CDKAL1: variants seen among roughly 807,000 people sequenced by gnomAD.
CDKAL1 encodes the protein CDKAL1 threonylcarbamoyladenosine tRNA methylthiotransferase, also known as threonylcarbamoyladenosine tRNA methylthiotransferase.
Under a neutral mutation model 68.2 loss-of-function variants are expected in CDKAL1, and 32 were observed. The ratio of observed to expected loss-of-function variants is 0.47; its 90% confidence interval spans 0.35 to 0.63. The LOEUF (loss-of-function observed/expected upper bound fraction) is 0.63, where lower values mean the gene tolerates loss of function less well. CDKAL1 is among the 30% of genes least tolerant of loss of function. CDKAL1 has a pLI of 0.00. For missense variants in CDKAL1, 606 were observed against 696.7 expected (o/e 0.87, Z 1.47); for synonymous variants, 234 against 244.3 (o/e 0.96, Z 0.39).
chr6:21,205,810 C>G (rs376243915), intron 15 of CDKAL1, among the ~76,000 whole-genome samples: 76 of 135,686 alleles, frequency 5.6e-4, no homozygotes, highest in African/African-American at 2.0e-3. Flanking sequence ...GGATTACATG[C>G]GTGAGCCCCC....
chr6:21,225,541 A>G (rs1318294961), intron 15 of CDKAL1, among the ~76,000 whole-genome samples: 1 of 152,110 alleles, frequency 6.6e-6, no homozygotes, highest in Non-Finnish European at 1.5e-5. Context: ...TCTGTATTCC[A>G]GGCACTCTGC....
intron 4 of CDKAL1, among the ~76,000 whole-genome samples, chr6:20,598,314 T>A (rs1402970444): frequency 6.6e-6 from 1 of 152,228 alleles, no homozygotes; most frequent in Non-Finnish European, 1.5e-5. Context: ...GGGCTAGTTT[T>A]GTATGAATAT....
rs929240823 is a variant in CDKAL1 at position 20,739,292 on chromosome 6, A to G, written c.372-227A>G. 3.3e-5 allele frequency among the ~76,000 whole-genome samples: 5 copies of G among 152,330 alleles called. No individual in the cohort carries two copies. The South Asian group carries it at 1.0e-3, about 32-fold the overall frequency. ...TTTTTTGTTTTATAATGAGACGGTA[A>G]TGAATGGCATTATCAGATTGGACTG... On this transcript the variant is annotated intron_variant, in intron 5 of 15. Coordinates refer to ENST00000274695, the MANE Select transcript of CDKAL1 (RefSeq NM_017774.3).
chr6:20,946,439 C>T (rs1350247362), intron 9 of CDKAL1, among the ~76,000 whole-genome samples: 2 of 151,990 alleles, frequency 1.3e-5, no homozygotes, highest in African/African-American at 4.8e-5. Context: ...GTGTCTTTTC[C>T]CAATCACTTC....
intron 9 of CDKAL1, among the ~76,000 whole-genome samples, chr6:20,852,466 G>A (rs1001434450): frequency 6.6e-6 from 1 of 152,100 alleles, no homozygotes; most frequent in African/African-American, 2.4e-5. Context: ...TTCTTCTGTT[G>A]ATTCTTGCAA....
chr6:21,052,444 G>A (rs2056951), intron 11 of CDKAL1, among the ~76,000 whole-genome samples: 46,785 of 151,870 alleles, frequency 0.31, 7,512 homozygotes, highest in Middle Eastern at 0.4. Context: ...AAACTTCTGG[G>A]CTCAAGTGGT....
chr6:20,726,476 A>G (rs1044411520), intron 5 of CDKAL1, among the ~76,000 whole-genome samples: 1 of 152,198 alleles, frequency 6.6e-6, no homozygotes, highest in East Asian at 1.9e-4. Flanking sequence ...GGTCACTCAT[A>G]TTGAGCGCAT....
chr6:21,170,328 G>T (rs982169796), intron 13 of CDKAL1, among the ~76,000 whole-genome samples: 1 of 152,020 alleles, frequency 6.6e-6, no homozygotes, highest in Non-Finnish European at 1.5e-5. Context: ...AGGTTGGTTG[G>T]TTGGTTGGTT....
rs138553721 is a variant in CDKAL1 at position 20,963,669 on chromosome 6, T to C, written c.909+8084T>C. On this transcript the variant is annotated intron_variant, in intron 10 of 15. Coordinates refer to ENST00000274695, the MANE Select transcript of CDKAL1 (RefSeq NM_017774.3). ...GTGCCAGGTGTATTTTCTGGGTAAATGTTTCTCATGTTGAAAATACTGGGT... is the reference window on the plus strand; with the variant it reads ...GTGCCAGGTGTATTTTCTGGGTAAACGTTTCTCATGTTGAAAATACTGGGT... Among the ~76,000 whole-genome samples the C allele has an allele frequency of 1.7e-4, 26 of 152,340 alleles. No individual in the cohort carries two copies. The East Asian group carries it at 3.5e-3, about 20-fold the overall frequency.
At chr6:20,913,653 C>G (rs1490938649) in intron 9 of CDKAL1, among the ~76,000 whole-genome samples, 2 of 152,160 alleles carry the variant, frequency 1.3e-5, no homozygotes, top group Non-Finnish European at 2.9e-5. Flanking sequence ...GAGGTTCTCT[C>G]TTTCCATCCA....
intron 4 of CDKAL1, among the ~76,000 whole-genome samples, chr6:20,609,373 C>CCTTCTTCTT (rs200074365): frequency 9.3e-6 from 1 of 107,800 alleles, no homozygotes; most frequent in South Asian, 3.1e-4. Context: ...TTCTCCTTCT[C>CCTTCTTCTT]CTTCTTCTTC....
chr6:20,758,570 T>G (rs780498626), intron 6 of CDKAL1, 25 bp from the exon 7 acceptor site: 6 of 1,590,758 alleles, frequency 3.8e-6, no homozygotes, highest in Non-Finnish European at 5.1e-6. Flanking sequence ...AAATTACTTG[T>G]GTAATCGTTT....
At chr6:21,059,766 A>C (rs1199513460) in intron 11 of CDKAL1, among the ~76,000 whole-genome samples, 1 of 151,818 alleles carries the variant, frequency 6.6e-6, no homozygotes, top group Non-Finnish European at 1.5e-5. Context: ...CTGATTTTAA[A>C]AATATTTTTA....
chr6:20,594,597 G>C (rs1032659704), intron 4 of CDKAL1, among the ~76,000 whole-genome samples: 3 of 152,078 alleles, frequency 2.0e-5, no homozygotes, highest in African/African-American at 7.2e-5. Context: ...TGGGTCTCCT[G>C]AATACAGCAT....
intron 13 of CDKAL1, among the ~76,000 whole-genome samples, chr6:21,155,849 G>A (rs896701576): frequency 1.3e-5 from 2 of 152,096 alleles, no homozygotes; most frequent in Non-Finnish European, 2.9e-5. Context: ...GGACAGGGAC[G>A]GATCTGAGTA....
At chr6:21,065,295 A>G (rs1771373862) in intron 12 of CDKAL1, 67 bp downstream of exon 12, 11 of 1,189,810 alleles carry the variant, frequency 9.2e-6, no homozygotes, top group African/African-American at 1.6e-5. Context: ...TGTGTTGCCT[A>G]CCTTCACACA....
chr6:20,928,685 C>CTTTTTTTT (rs55795720), intron 9 of CDKAL1, among the ~76,000 whole-genome samples: 1 of 120,186 alleles, frequency 8.3e-6, no homozygotes, highest in Non-Finnish European at 1.7e-5. Flanking sequence ...TTACAATATT[C>CTTTTTTTT]TTTTTTTTTT....
At chr6:20,928,088 T>C (rs1373297638) in intron 9 of CDKAL1, among the ~76,000 whole-genome samples, 2 of 152,176 alleles carry the variant, frequency 1.3e-5, no homozygotes, top group African/African-American at 2.4e-5. Flanking sequence ...GCTCTGATAG[T>C]TTCAGGCCAG....
At chr6:21,002,852 G>A (rs943708073) in intron 11 of CDKAL1, among the ~76,000 whole-genome samples, 6 of 151,952 alleles carry the variant, frequency 3.9e-5, no homozygotes, top group African/African-American at 1.5e-4. Context: ...AGCTGATCGT[G>A]TTGGCTCGCA....
Sources: gnomAD v4.1 joint callset for allele counts (sites outside exome capture counted in the v4.1 genomes callset) on GRCh38, gnomAD v4.1.1 for gene constraint, MANE v1.5 for transcripts, NCBI Gene and HGNC (gene_info 2026-07-23, HGNC 2026-07-21) for gene names.